Variants in PPOX observed in about 807,000 individuals in gnomAD.
The protein encoded by PPOX is variegate porphyria.
Under a neutral mutation model 54.1 loss-of-function variants are expected in PPOX, and 23 were observed. That is an observed-to-expected ratio of 0.43 (90% confidence interval 0.31 to 0.60). The LOEUF (loss-of-function observed/expected upper bound fraction) is 0.60. PPOX is among the 20% of genes least tolerant of loss of function. The pLI is 0.13. For missense variants in PPOX, 512 were observed against 601.1 expected, an observed-to-expected ratio of 0.85 and a Z score of 1.55; for synonymous variants, 224 against 236.1, an observed-to-expected ratio of 0.95 and a Z score of 0.47.
intron 11 of PPOX, 26 bp downstream of exon 11, chr1:161,170,795 CT>C: frequency 1.2e-6 from 2 of 1,614,088 alleles, no homozygotes; most frequent in Non-Finnish European, 1.7e-6. Context: ...CTTCCCTCAG[CT>C]CTCCACTGAA....
chr1:161,168,404 G>C (rs760348665), intron 5 of PPOX, 28 bp from the exon 6 acceptor site: 2 of 1,613,434 alleles, frequency 1.2e-6, no homozygotes. Context: ...TTATTTTTTC[G>C]CTCCTTAGTC....
At chr1:161,166,407 C>T (rs1028549865), upstream of PPOX, 10 of 1,108,984 alleles carry the variant, frequency 9.0e-6, no homozygotes, top group African/African-American at 9.7e-5. Flanking sequence ...GGGTTAGGCG[C>T]GTGCCGCGAG....
At chr1:161,168,226 G>C in intron 5 of PPOX, 99 bp downstream of exon 5, 11 of 1,592,402 alleles carry the variant, frequency 6.9e-6, no homozygotes, top group Non-Finnish European at 9.5e-6. Flanking sequence ...GTATCATTTG[G>C]GGATGCCCTC....
intron 8 of PPOX, 42 bp downstream of exon 8, chr1:161,169,762 TG>T (rs1182139973): frequency 6.2e-7 from 1 of 1,613,448 alleles, no homozygotes; most frequent in East Asian, 2.2e-5. Flanking sequence ...CCCCTACCAG[TG>T]AGAAGCAAAA....
exon 5 of PPOX, chr1:161,177,000 C>A: frequency 2.0e-6 from 3 of 1,536,002 alleles, no homozygotes; most frequent in Non-Finnish European, 2.6e-6. Flanking sequence ...CACCTGGGGG[C>A]TGTAAGCGAA....
downstream of PPOX, chr1:161,171,855 T>TA (rs768221056): frequency 2.8e-5 from 46 of 1,614,114 alleles, no homozygotes; most frequent in Non-Finnish European, 3.8e-5. Context: ...TGGCAGTAGA[T>TA]AGAGGCCCAG....
At chr1:161,166,409 T>C, upstream of PPOX, 1 of 1,109,548 alleles carries the variant, frequency 9.0e-7, no homozygotes, top group Admixed American at 4.5e-5. Flanking sequence ...GTTAGGCGCG[T>C]GCCGCGAGAA....
In PPOX at chr1:161,167,109, G is replaced by C. The variant is rs745790472; in HGVS notation, c.97G>C (p.Val33Leu). 2 of 1,614,232 alleles carry C rather than the reference G, an allele frequency of 1.2e-6. No individual in the cohort carries two copies. The highest frequency in any genetic ancestry group is 3.3e-5 in the Admixed American group (2 of 60,030). Residue 33 changes from valine (V) to leucine (L), a missense_variant, in exon 3 of 13, where the codon GTG (valine) becomes CTG (leucine). Val to Leu is a conservative substitution (Grantham distance 32). Transcript: ENST00000367999. ...TCCCTCTTGTCGCCAGGTGGTCCTA[G>C]TGGAGAGCAGTGAGCGTCTGGGAGG... ...RAPCPPKVVL[V>L]ESSERLGGWI...
Position 161,168,068 on chromosome 1 carries a change from C to G in PPOX, c.412C>G (p.Arg138Gly). The change falls in exon 5 of 13, where the codon CGG becomes GGG. Residue 138 changes from arginine to glycine, a missense_variant. Physicochemically the swap from Arg to Gly is moderately radical, Grantham distance 125. Transcript: ENST00000367999. ...WAGLRELTKP[R>G]GKEPDETVHS... ...TGGGCTGAGGGAGCTGACCAAGCCC[C>G]GGGGCAAAGAGCCTGATGAGACTGT... 1 of 1,614,162 alleles carries G rather than the reference C, an allele frequency of 6.2e-7. No individual in the cohort carries two copies. Among genetic ancestry groups the G allele is most frequent in the Non-Finnish European group, 8.5e-7 (1 of 1,180,032 alleles).
rs1571318809 is a variant in PPOX, at chr1:161,166,495, C to T, written c.-186C>T. On this transcript the variant is annotated 5_prime_UTR_variant, in exon 1 of 13. Transcript: ENST00000367999. The stretch of plus-strand genomic sequence containing the variant: ...CGGATTTGAAGCACTTGTTGGCCTA[C>T]AGAGGTGTGGCAAGCAGAGCACCTC... 7.7e-7 allele frequency: 1 copy of T among 1,298,266 alleles called. No individual in the cohort carries two copies. The highest frequency in any genetic ancestry group is 9.9e-7 in the Non-Finnish European group (1 of 1,013,612). The allele number at this position is 1,298,266 out of a possible 1,614,324, so 80.4% of individuals were successfully genotyped here.
chr1:161,166,526 T>A lies in PPOX; in HGVS notation c.-155T>A. ...TGTGGCAAGCAGAGCACCTCAGAAC[T>A]CAGGCGTACTGCCCGCCGCCCGAGC... On this transcript the variant is annotated 5_prime_UTR_variant, in exon 1 of 13. Coordinates refer to ENST00000367999, the MANE Select transcript of PPOX (RefSeq NM_001122764.3). The A allele has an allele frequency of 1.5e-6, 2 of 1,358,268 alleles. No individual in the cohort carries two copies. The highest frequency in any genetic ancestry group is 1.5e-5 in the South Asian group (1 of 65,244). 84.1% of individuals were successfully genotyped at this position (1,358,268 alleles called of 1,614,324 possible).
chr1:161,173,146 A>G (rs1662098328), downstream of PPOX, among the ~76,000 whole-genome samples: 1 of 152,208 alleles, frequency 6.6e-6, no homozygotes, highest in African/African-American at 2.4e-5. Context: ...CACAGACATG[A>G]AATTGGGTCA....
At chr1:161,177,035 A>AGGGTGG (rs1558060918) in exon 5 of PPOX, 8 of 1,473,872 alleles carry the variant, frequency 5.4e-6, no homozygotes, top group Non-Finnish European at 7.2e-6. Flanking sequence ...GGCGGAGAGT[A>AGGGTGG]GGGTGGGGGT....
At chr1:161,171,559 T>G (rs991714770), downstream of PPOX, 1 of 598,344 alleles carries the variant, frequency 1.7e-6, no homozygotes, top group African/African-American at 1.9e-5. Flanking sequence ...GGGCAGGGAC[T>G]CCTAGGAATC....
chr1:161,176,290 C>CGAGA, intron 4 of PPOX: 1 of 604,942 alleles, frequency 1.7e-6, no homozygotes, highest in Non-Finnish European at 2.9e-6. Flanking sequence ...TTTCGCTCTC[C>CGAGA]TCTACCTCCC....
intron 7 of PPOX, 38 bp downstream of exon 7, chr1:161,169,221 T>C (rs1419559123): frequency 6.2e-7 from 1 of 1,607,872 alleles, no homozygotes; most frequent in Non-Finnish European, 8.5e-7. Flanking sequence ...CCTGTCAGTG[T>C]TTCCATCTTT....
downstream of PPOX, chr1:161,176,117 G>A (rs1374820819): frequency 2.5e-6 from 4 of 1,601,158 alleles, no homozygotes; most frequent in East Asian, 2.2e-5. Context: ...CAGGAAGAGA[G>A]CAAGCCAGCA....
chr1:161,175,764 G>A (rs767106264), downstream of PPOX: 45 of 1,602,728 alleles, frequency 2.8e-5, no homozygotes, highest in Non-Finnish European at 3.3e-5. Context: ...CCCTGTCTCC[G>A]CACCTTGTCC....
At chr1:161,171,760 G>T, downstream of PPOX, 1 of 1,591,812 alleles carries the variant, frequency 6.3e-7, no homozygotes. Flanking sequence ...CTGAGGGTGG[G>T]GAGAATACAA....
Sources: allele counts gnomAD v4.1 joint callset (sites outside exome capture counted in the v4.1 genomes callset), GRCh38; gene constraint gnomAD v4.1.1; transcripts MANE v1.5; gene names NCBI Gene and HGNC (gene_info 2026-07-23, HGNC 2026-07-21).